Variants in AKAP19 observed in about 807,000 individuals in gnomAD.
The protein encoded by AKAP19 is A-kinase anchoring protein 19.
At chr2:189,934,756 TAAAG>T in the AKAP19 span, among the ~76,000 whole-genome samples, 1 of 151,676 alleles carries the variant, frequency 6.6e-6, no homozygotes. Context: ...TAAAAGATTA[TAAAG>T]AATTTATTTT....
chr2:190,057,285 C>T, the AKAP19 span: 4 of 1,613,290 alleles, frequency 2.5e-6, no homozygotes, highest in Non-Finnish European at 3.4e-6. Context: ...GGTCTACTAC[C>T]ATCGCTGGAA....
the AKAP19 span, among the ~76,000 whole-genome samples, chr2:190,059,309 T>C: frequency 6.6e-6 from 1 of 151,980 alleles, no homozygotes; most frequent in Non-Finnish European, 1.5e-5. Flanking sequence ...TTTTATTAAT[T>C]TTTGTGATAT....
chr2:190,194,687 T>C, the AKAP19 span, among the ~76,000 whole-genome samples: 2 of 152,230 alleles, frequency 1.3e-5, no homozygotes, highest in Non-Finnish European at 2.9e-5. Flanking sequence ...TTCCACCTAT[T>C]CATCTCAGCC....
the AKAP19 span, among the ~76,000 whole-genome samples, chr2:189,921,651 T>C: frequency 6.6e-6 from 1 of 152,164 alleles, no homozygotes; most frequent in Admixed American, 6.5e-5. Flanking sequence ...CATGTGTATG[T>C]GCTAATGGGA....
At chr2:189,995,729 G>C in the AKAP19 span, among the ~76,000 whole-genome samples, 2 of 151,716 alleles carry the variant, frequency 1.3e-5, no homozygotes, top group Admixed American at 6.6e-5. Flanking sequence ...TGTGAGACTT[G>C]TGCTTTAAGG....
chr2:190,166,789 C>T, the AKAP19 span, among the ~76,000 whole-genome samples: 1 of 152,070 alleles, frequency 6.6e-6, no homozygotes, highest in South Asian at 2.1e-4. Context: ...CCAAGCCCTA[C>T]AACAAACATT....
the AKAP19 span, among the ~76,000 whole-genome samples, chr2:190,096,091 G>C: frequency 6.6e-6 from 1 of 152,158 alleles, no homozygotes. Flanking sequence ...AGAAGCTGAA[G>C]GAGTATCTAG....
the AKAP19 span, among the ~76,000 whole-genome samples, chr2:189,916,527 G>A: frequency 6.6e-6 from 1 of 151,946 alleles, no homozygotes; most frequent in East Asian, 1.9e-4. Flanking sequence ...TCACTATGTT[G>A]GCCAGGCTTG....
At chr2:190,152,982 G>T in the AKAP19 span, among the ~76,000 whole-genome samples, 1 of 150,614 alleles carries the variant, frequency 6.6e-6, no homozygotes, top group Non-Finnish European at 1.5e-5. Flanking sequence ...TGCAAGCTCC[G>T]CCTCCCGGGT....
chr2:189,970,532 G>A, the AKAP19 span, among the ~76,000 whole-genome samples: 10 of 151,318 alleles, frequency 6.6e-5, no homozygotes, highest in African/African-American at 1.9e-4. Context: ...TACTGTGTTC[G>A]AGATATATAT....
At chr2:189,889,268 A>G in the AKAP19 span, among the ~76,000 whole-genome samples, 1 of 152,192 alleles carries the variant, frequency 6.6e-6, no homozygotes, top group African/African-American at 2.4e-5. Context: ...CCAGTCTTGC[A>G]TCCCAGTGAT....
At chr2:190,131,956 A>T in the AKAP19 span, among the ~76,000 whole-genome samples, 4 of 152,222 alleles carry the variant, frequency 2.6e-5, no homozygotes, top group Non-Finnish European at 1.5e-5. Context: ...AAAAATTTGC[A>T]CTAAAAAATA....
the AKAP19 span, among the ~76,000 whole-genome samples, chr2:190,193,717 G>GC: frequency 6.6e-6 from 1 of 151,980 alleles, no homozygotes; most frequent in African/African-American, 2.4e-5. Flanking sequence ...GACTTTTCTT[G>GC]ATCAGTCTGT....
At chr2:190,184,125 G>A in the AKAP19 span, among the ~76,000 whole-genome samples, 69 of 152,200 alleles carry the variant, frequency 4.5e-4, no homozygotes, top group African/African-American at 1.6e-3. Flanking sequence ...GAAGAGCCTT[G>A]TATTTTAAGA....
the AKAP19 span, among the ~76,000 whole-genome samples, chr2:190,006,329 A>G: frequency 1.3e-5 from 2 of 152,230 alleles, no homozygotes; most frequent in Admixed American, 6.5e-5. Context: ...CTCAAAGTGG[A>G]TAATTCAGTG....
At chr2:190,199,178 G>GTTTTGCTTGACAGTATAGA in the AKAP19 span, among the ~76,000 whole-genome samples, 1 of 152,162 alleles carries the variant, frequency 6.6e-6, no homozygotes, top group African/African-American at 2.4e-5. Flanking sequence ...TGATGTGCTT[G>GTTTTGCTTGACAGTATAGA]TTTTGCTTGA....
chr2:189,952,650 T>A, the AKAP19 span, among the ~76,000 whole-genome samples: 1 of 152,234 alleles, frequency 6.6e-6, no homozygotes, highest in Non-Finnish European at 1.5e-5. Flanking sequence ...AATATTCTGT[T>A]ACAGTTGCTT....
chr2:190,018,944 G>A, the AKAP19 span, among the ~76,000 whole-genome samples: 9 of 152,246 alleles, frequency 5.9e-5, no homozygotes, highest in East Asian at 1.9e-4. Flanking sequence ...TTCTGCAATC[G>A]GGCAGAGCTG....
the AKAP19 span, among the ~76,000 whole-genome samples, chr2:189,959,733 C>T: frequency 6.6e-6 from 1 of 152,152 alleles, no homozygotes; most frequent in East Asian, 1.9e-4. Flanking sequence ...CTGTGCATAT[C>T]CTGACTTTTC....
Sources: gnomAD v4.1 joint callset for allele counts (sites outside exome capture counted in the v4.1 genomes callset) on GRCh38, gnomAD v4.1.1 for gene constraint, MANE v1.5 for transcripts, NCBI Gene and HGNC (gene_info 2026-07-23, HGNC 2026-07-21) for gene names.